GPR141: variants seen among roughly 807,000 people sequenced by gnomAD.
The protein encoded by GPR141 is probable G protein-coupled receptor 141.
In GPR141, 6 loss-of-function variants were observed where a neutral mutation model predicts 6.8. The observed-to-expected ratio is 0.88, with a 90% CI of 0.48 to 1.74. GPR141 has a LOEUF of 1.74. Among genes scored for constraint, GPR141 ranks in the 40% most tolerant of loss-of-function variants. GPR141 has a pLI of 0.01. For synonymous variants in GPR141, 140 were observed against 142.3 expected, an observed-to-expected ratio of 0.98 and a Z score of 0.11; for missense variants, 372 against 372.9, an observed-to-expected ratio of 1.00 and a Z score of 0.02.
At chr7:37,706,820 A>T (rs976417457) in intron 2 of GPR141, among the ~76,000 whole-genome samples, 1 of 152,040 alleles carries the variant, frequency 6.6e-6, no homozygotes, top group Non-Finnish European at 1.5e-5. Flanking sequence ...TTTCACATAC[A>T]TTTTCTTTTC....
intron 2 of GPR141, among the ~76,000 whole-genome samples, chr7:37,733,156 G>T (rs1812057828): frequency 6.6e-6 from 1 of 152,156 alleles, no homozygotes; most frequent in Admixed American, 6.5e-5. Flanking sequence ...GAGAAGATAT[G>T]GACTTGGCTC....
At chr7:37,710,222 C>T (rs1429423325) in intron 2 of GPR141, among the ~76,000 whole-genome samples, 3 of 151,798 alleles carry the variant, frequency 2.0e-5, no homozygotes, top group East Asian at 1.9e-4. Context: ...TGCCCTTACT[C>T]TTTTGTTCTT....
chr7:37,727,327 T>C (rs1272687858), intron 2 of GPR141, among the ~76,000 whole-genome samples: 1 of 152,202 alleles, frequency 6.6e-6, no homozygotes, highest in Non-Finnish European at 1.5e-5. Flanking sequence ...CTTGGGGTTT[T>C]TTAGCTTTTC....
intron 2 of GPR141, among the ~76,000 whole-genome samples, chr7:37,686,193 G>C (rs1415320772): frequency 6.7e-6 from 1 of 149,768 alleles, no homozygotes; most frequent in East Asian, 2.0e-4. Context: ...TTAGAGAGGG[G>C]GTCTCACTAT....
chr7:37,728,070 C>T (rs1003037181), intron 2 of GPR141, among the ~76,000 whole-genome samples: 5 of 152,220 alleles, frequency 3.3e-5, no homozygotes, highest in Admixed American at 1.3e-4. Flanking sequence ...CTCCTCTCTA[C>T]ATCTAGAACT....
intron 2 of GPR141, among the ~76,000 whole-genome samples, chr7:37,720,020 G>T (rs1381844950): frequency 6.6e-6 from 1 of 152,216 alleles, no homozygotes; most frequent in South Asian, 2.1e-4. Context: ...CTCTGAAGGG[G>T]TGACCAGTCT....
chr7:37,736,525 C>CA (rs1444593606), intron 2 of GPR141, among the ~76,000 whole-genome samples: 1 of 144,354 alleles, frequency 6.9e-6, no homozygotes, highest in Admixed American at 6.9e-5. Context: ...GGCAAAAGTG[C>CA]AAAAAAATCT....
intron 2 of GPR141, among the ~76,000 whole-genome samples, chr7:37,689,284 C>G (rs1033099062): frequency 6.6e-6 from 1 of 152,002 alleles, no homozygotes; most frequent in Non-Finnish European, 1.5e-5. Context: ...CTGCCAGATT[C>G]CATTTACTAG....
intron 2 of GPR141, among the ~76,000 whole-genome samples, chr7:37,705,596 C>A (rs181405570): frequency 2.8e-4 from 43 of 152,198 alleles, no homozygotes; most frequent in Non-Finnish European, 5.0e-4. Flanking sequence ...AAAGTGAGTT[C>A]TCTGACTTGG....
intron 2 of GPR141, among the ~76,000 whole-genome samples, chr7:37,718,243 G>T (rs898527211): frequency 3.3e-5 from 5 of 152,110 alleles, no homozygotes; most frequent in Non-Finnish European, 5.9e-5. Context: ...GTGCTATAAA[G>T]AAATTAAACA....
chr7:37,732,418 G>A (rs1370105096), intron 2 of GPR141, among the ~76,000 whole-genome samples: 2 of 152,066 alleles, frequency 1.3e-5, no homozygotes, highest in Admixed American at 6.6e-5. Context: ...TTTAGCAGAA[G>A]GATAATTTTA....
At chr7:37,700,900 C>G (rs765806092) in intron 2 of GPR141, among the ~76,000 whole-genome samples, 5 of 152,134 alleles carry the variant, frequency 3.3e-5, no homozygotes, top group Non-Finnish European at 7.4e-5. Context: ...AGAGTCCAAC[C>G]TATATTTTTC....
At position 37,726,861 on chromosome 7, in the gene GPR141, C is replaced by T. The variant is rs1039339886; in HGVS notation, c.-14-13519C>T. ...ATAGAAAAAATCTGGCCCATGGACT[C>T]TATGTGGACTAATATGAGAGACAGG... On this transcript the variant is annotated intron_variant, in intron 2 of 2. Coordinates refer to ENST00000334425, the MANE Select transcript of GPR141 (RefSeq NM_001381946.1). Among the ~76,000 whole-genome samples, 4 of 152,074 alleles carry T rather than the reference C, an allele frequency of 2.6e-5. No individual in the cohort carries two copies. In the East Asian group the frequency reaches 7.7e-4, roughly 29 times the overall value.
chr7:37,684,973 C>T (rs1054137147), intron 1 of GPR141, among the ~76,000 whole-genome samples: 12 of 152,126 alleles, frequency 7.9e-5, no homozygotes, highest in African/African-American at 2.9e-4. Flanking sequence ...GGATTCCAGA[C>T]CAGGGGTTGG....
chr7:37,701,487 G>A (rs1025083097), intron 2 of GPR141, among the ~76,000 whole-genome samples: 1 of 152,130 alleles, frequency 6.6e-6, no homozygotes, highest in Non-Finnish European at 1.5e-5. Context: ...TTTAGAAAAT[G>A]AAAACATGGG....
chr7:37,736,579 A>G (rs923808784), intron 2 of GPR141, among the ~76,000 whole-genome samples: 1 of 151,976 alleles, frequency 6.6e-6, no homozygotes, highest in African/African-American at 2.4e-5. Context: ...TGCAACCATA[A>G]TAGAAGCAAT....
chr7:37,725,350 C>T (rs1811572279), intron 2 of GPR141, among the ~76,000 whole-genome samples: 1 of 152,070 alleles, frequency 6.6e-6, no homozygotes, highest in Admixed American at 6.6e-5. Flanking sequence ...AGGGATGGAG[C>T]GGGGAGCAAG....
chr7:37,699,935 G>A (rs1810204988), intron 2 of GPR141, among the ~76,000 whole-genome samples: 2 of 152,158 alleles, frequency 1.3e-5, no homozygotes, highest in South Asian at 4.1e-4. Context: ...ATCTTGTGAG[G>A]CCAAAGTGGT....
At chr7:37,702,920 T>C (rs1447176893) in intron 2 of GPR141, among the ~76,000 whole-genome samples, 1 of 151,732 alleles carries the variant, frequency 6.6e-6, no homozygotes, top group East Asian at 1.9e-4. Context: ...AAATCAGATA[T>C]TGTTGATTCA....
Sources: allele counts gnomAD v4.1 joint callset (sites outside exome capture counted in the v4.1 genomes callset), GRCh38; gene constraint gnomAD v4.1.1; transcripts MANE v1.5; gene names NCBI Gene and HGNC (gene_info 2026-07-23, HGNC 2026-07-21).